SNX19: variants seen among roughly 807,000 people sequenced by gnomAD.
The protein encoded by SNX19 is sorting nexin 19, also known as sorting nexin-19.
Under a neutral mutation model 85.2 loss-of-function variants are expected in SNX19, and 60 were observed. The observed-to-expected ratio is 0.70, with a 90% CI of 0.57 to 0.87. SNX19 has a LOEUF of 0.87. Ranked by LOEUF, SNX19 falls within the 40% of genes least tolerant of loss-of-function variation. The probability of loss-of-function intolerance (pLI) is 0.00; values close to 1 mark genes in which losing one functional copy is unlikely to be tolerated. For missense variants in SNX19, 1,201 were observed against 1,217.8 expected (o/e 0.99, Z 0.21); for synonymous variants, 520 against 470.0 (o/e 1.11, Z -1.38).
chr11:130,884,732 C>A (rs571231015), intron 8 of SNX19, among the ~76,000 whole-genome samples: 1 of 151,628 alleles, frequency 6.6e-6, no homozygotes, highest in African/African-American at 2.4e-5. Context: ...TAGCTGGGCA[C>A]GGTGGCGCAC....
intron 7 of SNX19, among the ~76,000 whole-genome samples, chr11:130,904,336 C>G (rs1945491104): frequency 6.6e-6 from 1 of 152,164 alleles, no homozygotes; most frequent in African/African-American, 2.4e-5. Flanking sequence ...AACGGATACT[C>G]TCTGGATCAC....
At chr11:130,907,192 A>C (rs1021669022) in intron 5 of SNX19, among the ~76,000 whole-genome samples, 1 of 152,252 alleles carries the variant, frequency 6.6e-6, no homozygotes, top group Non-Finnish European at 1.5e-5. Context: ...GCAAGTGATA[A>C]CATCAATGTT....
chr11:130,874,756 T>G lies in SNX19; in HGVS notation c.*3666A>C, dbSNP rs1943156147. On this transcript the variant is annotated 3_prime_UTR_variant, in exon 11 of 11. Transcript: ENST00000265909. ...AGTAGCTGGAAATGAATAACCTGGG[T>G]AGGACACAGGAAGACTCAAAAATGT... 2.0e-5 allele frequency among the ~76,000 whole-genome samples: 3 copies of G among 152,078 alleles called. No homozygotes were observed.
At chr11:130,882,679 T>C (rs1024452723) in intron 8 of SNX19, among the ~76,000 whole-genome samples, 13 of 152,234 alleles carry the variant, frequency 8.5e-5, no homozygotes, top group African/African-American at 1.7e-4. Context: ...AGGAATCCAG[T>C]AGCAAGAATT....
Position 130,871,187 on chromosome 11 carries a change from C to T in SNX19, c.*7235G>A, listed in dbSNP as rs1417329125. 6.6e-6 allele frequency among the ~76,000 whole-genome samples: 1 copy of T among 152,164 alleles called. No individual in the cohort carries two copies. Among genetic ancestry groups the T allele is most frequent in the Non-Finnish European group, 1.5e-5 (1 of 68,028 alleles). ...TTTTTTTGGAAGTTTCTCGTCTAAC[C>T]TCCTGCCTAAACCATCTATAATACA... On this transcript the variant is annotated 3_prime_UTR_variant, in exon 11 of 11. Transcript: ENST00000265909.
At chr11:130,878,765 ATAAGAC>A (rs1943431799) in intron 10 of SNX19, among the ~76,000 whole-genome samples, 1 of 152,232 alleles carries the variant, frequency 6.6e-6, no homozygotes, top group Non-Finnish European at 1.5e-5. Flanking sequence ...CTAGTTTTAT[ATAAGAC>A]TAAGTTTTAT....
At position 130,903,379 on chromosome 11, in the gene SNX19, C is replaced by T. The variant is rs1052402993; in HGVS notation, c.2449G>A (p.Glu817Lys). The stretch of plus-strand genomic sequence containing the variant: ...AGGGCTGTGTCAGCTAACTCTGTCT[C>T]TGTTCCTGAGGGATAAAATGGCATC... ...QDPSNSDPGTETELADTALDL... is the reference protein window; with the variant it reads ...QDPSNSDPGTKTELADTALDL... The change falls in exon 8 of 11, where the codon GAG (glutamate) becomes AAG (lysine). Residue 817 changes from glutamate to lysine, a missense_variant. By Grantham distance (56) the Glu-to-Lys change is moderately conservative. Transcript: ENST00000265909. The T allele has an allele frequency of 6.2e-7, 1 of 1,612,394 alleles. No individual in the cohort carries two copies. Among genetic ancestry groups the T allele is most frequent in the Non-Finnish European group, 8.5e-7 (1 of 1,179,836 alleles).
intron 8 of SNX19, among the ~76,000 whole-genome samples, chr11:130,891,092 T>C (rs1488593051): frequency 3.3e-5 from 5 of 152,174 alleles, no homozygotes; most frequent in Non-Finnish European, 5.9e-5. Flanking sequence ...CTCTTAATTA[T>C]TCATGCTTAC....
At chr11:130,895,080 CA>C (rs1944785740) in intron 8 of SNX19, 1 of 985,350 alleles carries the variant, frequency 1.0e-6, no homozygotes, top group Non-Finnish European at 1.2e-6. Context: ...AGTACAACAG[CA>C]GGAGATGCTT....
intron 8 of SNX19, chr11:130,901,963 T>G (rs887920647): frequency 5.3e-5 from 8 of 152,336 alleles, no homozygotes; most frequent in Admixed American, 4.6e-4. Flanking sequence ...GTGGCAGGGC[T>G]GAATACTGAG....
intron 8 of SNX19, chr11:130,892,686 G>A (rs1044140956): frequency 6.6e-6 from 1 of 152,162 alleles, no homozygotes; most frequent in African/African-American, 2.4e-5. Context: ...GGCCTCAGGG[G>A]GTTTTGGATA....
In SNX19 at chr11:130,906,133, C is replaced by G; in HGVS notation, c.2263G>C (p.Glu755Gln). 10 of 1,613,294 alleles carry G rather than the reference C, an allele frequency of 6.2e-6. No individual in the cohort carries two copies. The highest frequency in any genetic ancestry group is 8.5e-6 in the Non-Finnish European group (10 of 1,179,668). ...GCAGACATGGATAGAGTCTCAGACT[C>G]CTAAGAAATAGTCAGTGGCATATCA... The part of the protein sequence containing the change: ...ILYCLQEGNV[E>Q]SETLSMSAME... The change falls in exon 7 of 11, where the codon GAG becomes CAG. Residue 755 changes from glutamate to glutamine, a missense_variant and splice_region_variant. Coordinates refer to ENST00000265909, the MANE Select transcript of SNX19 (RefSeq NM_014758.3).
At chr11:130,904,568 G>T (rs1945507873) in intron 7 of SNX19, among the ~76,000 whole-genome samples, 1 of 152,126 alleles carries the variant, frequency 6.6e-6, no homozygotes, top group Non-Finnish European at 1.5e-5. Context: ...GTCCTCAATT[G>T]TATGATTCTC....
chr11:130,909,178 C>T (rs1945896137), intron 4 of SNX19, among the ~76,000 whole-genome samples: 1 of 152,140 alleles, frequency 6.6e-6, no homozygotes, highest in African/African-American at 2.4e-5. Flanking sequence ...TGGCTGAAAA[C>T]AGGCATCCAG....
In SNX19 at chr11:130,916,076, C is replaced by G; in HGVS notation, c.-137G>C. 1.4e-6 allele frequency: 1 copy of G among 723,942 alleles called. No homozygotes were observed. The highest frequency in any genetic ancestry group is 1.9e-5 in the South Asian group (1 of 53,432). The allele number at this position is 723,942 out of a possible 1,614,324, so 44.8% of individuals were successfully genotyped here. A position where few individuals can be genotyped will look rare whatever the true frequency, so the allele number is the denominator to read the frequency against. ...TCAGGGAACCGGGGCTCCAGGCCCT[C>G]AAAGTCCTACAGGCACTGCAAAGCG... is the stretch of plus-strand genomic sequence containing the variant. On this transcript the variant is annotated 5_prime_UTR_variant, in exon 1 of 11. Transcript: ENST00000265909.
At chr11:130,907,539 C>T (rs754813758) in intron 5 of SNX19, among the ~76,000 whole-genome samples, 2 of 152,288 alleles carry the variant, frequency 1.3e-5, no homozygotes, top group South Asian at 2.1e-4. Context: ...TAACCCTTTC[C>T]TCTTTATTGC....
intron 4 of SNX19, among the ~76,000 whole-genome samples, chr11:130,908,533 A>G (rs1169487325): frequency 6.6e-6 from 1 of 152,232 alleles, no homozygotes; most frequent in Non-Finnish European, 1.5e-5. Flanking sequence ...AATAAAAATA[A>G]CAGTTAAGGG....
intron 8 of SNX19, among the ~76,000 whole-genome samples, chr11:130,892,432 A>C (rs1329501709): frequency 6.6e-6 from 1 of 152,186 alleles, no homozygotes; most frequent in Non-Finnish European, 1.5e-5. Context: ...AATAAGAAAA[A>C]TAAAAAGTAT....
intron 8 of SNX19, 64 bp from the exon 9 acceptor site, chr11:130,880,870 A>T: frequency 7.3e-7 from 1 of 1,366,184 alleles, no homozygotes. Context: ...AAGGCAGCGG[A>T]CTGACTGTTT....
Sources: allele counts gnomAD v4.1 joint callset (sites outside exome capture counted in the v4.1 genomes callset), GRCh38; gene constraint gnomAD v4.1.1; transcripts MANE v1.5; gene names NCBI Gene and HGNC (gene_info 2026-07-23, HGNC 2026-07-21).